ARHGEF16: variants seen among roughly 807,000 people sequenced by gnomAD.
ARHGEF16 encodes Rho guanine nucleotide exchange factor 16, also known as Rho guanine exchange factor (GEF) 16.
Under a neutral mutation model 74.1 loss-of-function variants are expected in ARHGEF16, and 59 were observed. That is an observed-to-expected ratio of 0.80 (90% CI 0.65 to 0.99). The LOEUF is 0.99. ARHGEF16 is among the 50% of genes least tolerant of loss of function. The probability of loss-of-function intolerance (pLI) is 0.00; values close to 1 mark genes in which losing one functional copy is unlikely to be tolerated. For synonymous variants in ARHGEF16, 415 were observed against 412.6 expected (o/e 1.01, Z -0.07); for missense variants, 948 against 986.6 (o/e 0.96, Z 0.52).
chr1:3,471,781 CG>C, intron 6 of ARHGEF16: 1 of 1,123,276 alleles, frequency 8.9e-7, no homozygotes, highest in Non-Finnish European at 1.1e-6. Context: ...GGGGAATCAT[CG>C]CTATTTGGGG....
At chr1:3,471,066 G>A (rs1639706030) in intron 6 of ARHGEF16, among the ~76,000 whole-genome samples, 1 of 148,678 alleles carries the variant, frequency 6.7e-6, no homozygotes, top group Non-Finnish European at 1.5e-5. Context: ...GCATGGACAG[G>A]TATGTGTGCA....
At position 3,467,216 on chromosome 1, in the gene ARHGEF16, A is replaced by G. The variant is rs1159491052; in HGVS notation, c.683A>G (p.Gln228Arg). The G allele has an allele frequency of 2.6e-6, 4 of 1,550,554 alleles. No individual in the cohort carries two copies. The highest frequency in any genetic ancestry group is 2.4e-5 in the East Asian group (1 of 40,930). ...CAGGAGCGGGGCCTGAACACCAGCC[A>G]GGAGTCTGATGACGACATCCTCGAT... ...EIQERGLNTSQESDDDILDES... is the reference protein window; with the variant it reads ...EIQERGLNTSRESDDDILDES... Residue 228 changes from glutamine to arginine, a missense_variant, in exon 4 of 15, where the codon CAG (glutamine) becomes CGG (arginine). Gln to Arg is a conservative substitution (Grantham distance 43). Coordinates refer to ENST00000378378, the MANE Select transcript of ARHGEF16 (RefSeq NM_014448.4).
At chr1:3,472,110 C>T (rs1270986737) in intron 6 of ARHGEF16, among the ~76,000 whole-genome samples, 1 of 152,200 alleles carries the variant, frequency 6.6e-6, no homozygotes, top group Non-Finnish European at 1.5e-5. Flanking sequence ...GTAAGGGAGT[C>T]CTCCGAAGGA....
At chr1:3,469,339 C>A in intron 5 of ARHGEF16, 94 bp from the exon 6 acceptor site, 1 of 1,461,244 alleles carries the variant, frequency 6.8e-7, no homozygotes, top group Non-Finnish European at 9.4e-7. Flanking sequence ...CTGCCCCTGC[C>A]ACCCGGGTCA....
In ARHGEF16 at chr1:3,473,226, C is replaced by T. The variant is rs1277990606; in HGVS notation, c.1171C>T (p.Leu391=). 4 of 1,612,838 alleles carry T rather than the reference C, an allele frequency of 2.5e-6. No individual in the cohort carries two copies. Among genetic ancestry groups the T allele is most frequent in the Non-Finnish European group, 3.4e-6 (4 of 1,179,840 alleles). ...EVYQQRTLQK[L]ISSNAAFREA... ...CTACCAACAGCGCACGCTGCAGAAG[C>T]TGATGTGAGTGGGCGGCCCCGAGGC... Residue 391 remains leucine (L), a synonymous_variant, in exon 7 of 15, where the codon CTG becomes TTG. Coordinates refer to ENST00000378378, the MANE Select transcript of ARHGEF16 (RefSeq NM_014448.4).
intron 6 of ARHGEF16, 137 bp from the exon 7 acceptor site, chr1:3,472,941 C>A: frequency 1.4e-6 from 1 of 690,242 alleles, no homozygotes; most frequent in Non-Finnish European, 2.0e-6. Context: ...TTGCTGTGTG[C>A]TGCCTCTGGG....
intron 8 of ARHGEF16, 142 bp from the exon 9 acceptor site, chr1:3,474,566 A>G (rs964880934): frequency 5.6e-6 from 4 of 715,850 alleles, no homozygotes; most frequent in Middle Eastern, 3.0e-4. Flanking sequence ...CAGGGGCTGT[A>G]CGTGCTGTGG....
At chr1:3,474,687 C>T (rs59867555) in intron 8 of ARHGEF16, 21 bp from the exon 9 acceptor site, 3 of 1,609,188 alleles carry the variant, frequency 1.9e-6, no homozygotes, top group Admixed American at 1.7e-5. Context: ...ACTTTCTGTC[C>T]CATGTCTGTT....
chr1:3,478,553 G>A lies in ARHGEF16; in HGVS notation c.1755G>A (p.Val585=), dbSNP rs979235081. ...RSSSVPHPFQ[V]TLLRNSEGRQ... is the part of the protein sequence containing the mutation. Reference sequence around the variant, plus strand: ...CCTCCGTGCCCCACCCCTTCCAGGTGACCCTGCTTCGCAACAGCGAGGGCC... The same window carrying A: ...CCTCCGTGCCCCACCCCTTCCAGGTAACCCTGCTTCGCAACAGCGAGGGCC... The change falls in exon 12 of 15, where the codon GTG becomes GTA. Residue 585 remains valine, a synonymous_variant. Transcript: ENST00000378378. The A allele has an allele frequency of 2.5e-6, 4 of 1,612,542 alleles. No homozygotes were observed. Among genetic ancestry groups the A allele is most frequent in the Admixed American group, 1.7e-5 (1 of 60,002 alleles).
intron 11 of ARHGEF16, 134 bp from the exon 12 acceptor site, chr1:3,478,289 GC>G: frequency 9.5e-7 from 1 of 1,048,822 alleles, no homozygotes; most frequent in South Asian, 1.6e-5. Flanking sequence ...TCTGTGGGAC[GC>G]GGGAACTCTT....
In ARHGEF16 at chr1:3,454,674, G is replaced by C. The variant is rs1428978903; in HGVS notation, c.-157G>C. 2 of 148,700 alleles carry C rather than the reference G, an allele frequency of 1.3e-5. No homozygotes were observed. Among genetic ancestry groups the C allele is most frequent in the Non-Finnish European group, 1.5e-5 (1 of 67,212 alleles). The allele number at this position is 148,700 out of a possible 1,614,324, so 9.2% of individuals were successfully genotyped here. Reference sequence around the variant, plus strand: ...GCAGCCGCCGCCCTCCAGCCAGACCGCGCAGGAAGCGGAGGAGGCGCCCCG... The same window carrying C: ...GCAGCCGCCGCCCTCCAGCCAGACCCCGCAGGAAGCGGAGGAGGCGCCCCG... On this transcript the variant is annotated 5_prime_UTR_variant, in exon 1 of 15. Coordinates refer to ENST00000378378, the MANE Select transcript of ARHGEF16 (RefSeq NM_014448.4).
Position 3,473,215 on chromosome 1 carries a change from C to T in ARHGEF16, c.1160C>T (p.Thr387Met), listed in dbSNP as rs1373404770. 2.5e-6 allele frequency: 4 copies of T among 1,613,118 alleles called. No homozygotes were observed. The highest frequency in any genetic ancestry group is 3.4e-6 in the Non-Finnish European group (4 of 1,179,904). The part of the protein sequence containing the change: ...YCSNEVYQQR[T>M]LQKLISSNAA... Reference sequence around the variant, plus strand: ...TCCAACGAGGTCTACCAACAGCGCACGCTGCAGAAGCTGATGTGAGTGGGC... The same window carrying T: ...TCCAACGAGGTCTACCAACAGCGCATGCTGCAGAAGCTGATGTGAGTGGGC... Residue 387 changes from threonine (T) to methionine (M), a missense_variant, in exon 7 of 15, where the codon ACG becomes ATG. By Grantham distance (81) the Thr-to-Met change is moderately conservative. Transcript: ENST00000378378.
chr1:3,474,375 C>T (rs901566099), intron 8 of ARHGEF16: 2 of 328,400 alleles, frequency 6.1e-6, no homozygotes, highest in African/African-American at 4.2e-5. Context: ...GAACCTCAAA[C>T]TCCTGGGGGC....
At position 3,475,952 on chromosome 1, in the gene ARHGEF16, G is replaced by A. The variant is rs983987834; in HGVS notation, c.1381-18G>A. 8 of 1,547,434 alleles carry A rather than the reference G, an allele frequency of 5.2e-6. No individual in the cohort carries two copies. The highest frequency in any genetic ancestry group is 3.9e-5 in the Admixed American group (2 of 50,804). ...GCCCTGTAGCACCAGCCTCTCACAC[G>A]GGAACCATGCCCTGCAGCTGGTGAG... On this transcript the variant is annotated intron_variant, in intron 9 of 14. Transcript: ENST00000378378.
At chr1:3,479,259 G>C (rs907252340) in intron 12 of ARHGEF16, among the ~76,000 whole-genome samples, 2 of 152,170 alleles carry the variant, frequency 1.3e-5, no homozygotes, top group African/African-American at 4.8e-5. Context: ...GGGAGCTGGG[G>C]CCCAGTGCCA....
At chr1:3,466,784 C>T (rs1467766029) in intron 3 of ARHGEF16, among the ~76,000 whole-genome samples, 1 of 152,208 alleles carries the variant, frequency 6.6e-6, no homozygotes, top group Non-Finnish European at 1.5e-5. Flanking sequence ...GGCTCCAAGA[C>T]ACAATGGCCC....
At chr1:3,466,081 C>A in intron 2 of ARHGEF16, 67 bp from the exon 3 acceptor site, 1 of 1,525,624 alleles carries the variant, frequency 6.6e-7, no homozygotes, top group Admixed American at 2.1e-5. Flanking sequence ...GGTCCCAGGG[C>A]AGAATCGCCG....
At chr1:3,462,992 G>A (rs1303126960) in intron 1 of ARHGEF16, 74 bp from the exon 2 acceptor site, 3 of 1,086,920 alleles carry the variant, frequency 2.8e-6, no homozygotes, top group Admixed American at 5.9e-5. Context: ...CATATGCAAA[G>A]GGGTAGGGGG....
rs4638054 is a variant in ARHGEF16 at position 3,477,892 on chromosome 1, T to C, written c.1491T>C (p.Ser497=). Residue 497 remains serine, a synonymous_variant, in exon 11 of 15, where the codon TCT becomes TCC. Coordinates refer to ENST00000378378, the MANE Select transcript of ARHGEF16 (RefSeq NM_014448.4). ...CCCCCCAGTCCCTCCCACTGATCTC[T>C]GCCTCCCGGTGGCTGCTGAAGCGCG... ...FSKVKSLPLI[S]ASRWLLKRGE... The C allele has an allele frequency of 0.99, 1,602,815 of 1,612,386 alleles. 796,984 individuals are homozygous for C. Among genetic ancestry groups the C allele is most frequent in the East Asian group, 1 (44,832 of 44,836 alleles).
Sources: gnomAD v4.1 joint callset for allele counts (sites outside exome capture counted in the v4.1 genomes callset) on GRCh38, gnomAD v4.1.1 for gene constraint, MANE v1.5 for transcripts, NCBI Gene and HGNC (gene_info 2026-07-23, HGNC 2026-07-21) for gene names.